The following RANBP17 variants were observed in gnomAD, a reference collection of about 807,000 sequenced individuals.
The protein encoded by RANBP17 is ran-binding protein 17.
In RANBP17, 158 loss-of-function variants were observed where a neutral mutation model predicts 141.2. That is an observed-to-expected ratio of 1.12 (90% CI 0.98 to 1.28). The LOEUF (loss-of-function observed/expected upper bound fraction) is 1.28. Among genes scored for constraint, RANBP17 ranks in the 50% most tolerant of loss-of-function variants. RANBP17 has a pLI of 0.00. For synonymous variants in RANBP17, 430 were observed against 450.0 expected (o/e 0.96, Z 0.56); for missense variants, 1,438 against 1,290.7 (o/e 1.11, Z -1.75).
chr5:170,903,413 G>A (rs114913052), intron 5 of RANBP17: 4,413 of 153,246 alleles, frequency 0.029, 211 homozygotes, highest in African/African-American at 0.098. Flanking sequence ...ATCTTAGCTT[G>A]CTGGGCTACG....
intron 18 of RANBP17, among the ~76,000 whole-genome samples, chr5:171,189,893 G>T (rs1761511958): frequency 6.6e-6 from 1 of 152,032 alleles, no homozygotes; most frequent in South Asian, 2.1e-4. Flanking sequence ...GGAAGAAAAA[G>T]ATAGTGCTGT....
chr5:171,004,565 G>A (rs181290803), intron 14 of RANBP17, among the ~76,000 whole-genome samples: 12 of 152,152 alleles, frequency 7.9e-5, no homozygotes, highest in African/African-American at 1.9e-4. Context: ...AACAGGGGAC[G>A]GACTTACTCT....
intron 12 of RANBP17, among the ~76,000 whole-genome samples, chr5:170,948,701 A>G (rs899321229): frequency 1.9e-4 from 29 of 152,188 alleles, no homozygotes; most frequent in African/African-American, 7.0e-4. Flanking sequence ...GGGATTGACA[A>G]ACTGTTCCTA....
chr5:171,257,527 C>A (rs1765978500), intron 24 of RANBP17, among the ~76,000 whole-genome samples: 1 of 152,142 alleles, frequency 6.6e-6, no homozygotes, highest in South Asian at 2.1e-4. Context: ...TTCCACCACT[C>A]TTATTCTACA....
intron 14 of RANBP17, among the ~76,000 whole-genome samples, chr5:171,018,763 G>T (rs181222196): frequency 4.7e-4 from 72 of 152,266 alleles, no homozygotes; most frequent in African/African-American, 1.7e-3. Context: ...TCCCTTGCCT[G>T]GTTGCCCTGG....
chr5:171,200,264 A>G (rs936567927), intron 19 of RANBP17, among the ~76,000 whole-genome samples: 3 of 152,242 alleles, frequency 2.0e-5, no homozygotes, highest in Non-Finnish European at 4.4e-5. Flanking sequence ...GCATTCTTAA[A>G]CGGAACAAAG....
intron 14 of RANBP17, among the ~76,000 whole-genome samples, chr5:171,098,454 C>G (rs1258042923): frequency 1.3e-5 from 2 of 152,148 alleles, no homozygotes; most frequent in African/African-American, 2.4e-5. Context: ...AGTGTCTGTT[C>G]ATATCCTTTG....
chr5:171,043,755 C>CT (rs1296981158), intron 14 of RANBP17, among the ~76,000 whole-genome samples: 1 of 152,038 alleles, frequency 6.6e-6, no homozygotes, highest in Non-Finnish European at 1.5e-5. Context: ...ACCTGCCATT[C>CT]TATGGTTCTG....
chr5:171,164,061 C>T lies in RANBP17; in HGVS notation c.1711-6069C>T, dbSNP rs534180483. ...TAGAACCAGTGTTTTCTCTTATTTT[C>T]TTATTTGCACAGAATGAGAGATTCG... On this transcript the variant is annotated intron_variant, in intron 14 of 27. Transcript: ENST00000523189. 9.2e-5 allele frequency among the ~76,000 whole-genome samples: 14 copies of T among 152,088 alleles called. No homozygotes were observed. The East Asian group carries it at 2.7e-3, about 29-fold the overall frequency.
At chr5:170,917,110 A>G (rs1382333531) in intron 9 of RANBP17, among the ~76,000 whole-genome samples, 1 of 152,282 alleles carries the variant, frequency 6.6e-6, no homozygotes, top group African/African-American at 2.4e-5. Context: ...CTTTTAGGCA[A>G]ATATGACTAG....
intron 2 of RANBP17, among the ~76,000 whole-genome samples, chr5:170,879,722 A>C (rs986289289): frequency 6.6e-6 from 1 of 152,130 alleles, no homozygotes; most frequent in African/African-American, 2.4e-5. Flanking sequence ...CATTCAGAAA[A>C]ATTTTAGCCT....
chr5:171,000,772 CACAA>C (rs1279545079), intron 14 of RANBP17, among the ~76,000 whole-genome samples: 1 of 152,036 alleles, frequency 6.6e-6, no homozygotes, highest in African/African-American at 2.4e-5. Flanking sequence ...GGGTGGATCT[CACAA>C]AGTACATTCT....
chr5:171,068,829 A>G (rs183200072), intron 14 of RANBP17, among the ~76,000 whole-genome samples: 28 of 151,906 alleles, frequency 1.8e-4, no homozygotes, highest in Non-Finnish European at 3.5e-4. Flanking sequence ...CAAGTGATCT[A>G]CTCGCCTCGG....
At chr5:171,112,347 A>C (rs1755295688) in intron 14 of RANBP17, among the ~76,000 whole-genome samples, 2 of 152,110 alleles carry the variant, frequency 1.3e-5, no homozygotes, top group Non-Finnish European at 1.5e-5. Flanking sequence ...CTATCTGTAA[A>C]ATATTGTTTA....
At position 171,183,786 on chromosome 5, in the gene RANBP17, T is replaced by C. The variant is rs772494418; in HGVS notation, c.2038+356T>C. On this transcript the variant is annotated intron_variant, in intron 18 of 27. Coordinates refer to ENST00000523189, the MANE Select transcript of RANBP17 (RefSeq NM_022897.5). ...ATTTTCGTCATAGTGATGTCTAAAC[T>C]AGAGAAAAAGTAGAAATGATGTAAC... Among the ~76,000 whole-genome samples the C allele has an allele frequency of 1.8e-4, 27 of 152,272 alleles. 1 individual carries two copies. The highest frequency in any genetic ancestry group is 2.1e-4 in the South Asian group (1 of 4,822).
At position 171,092,288 on chromosome 5, in the gene RANBP17, G is replaced by C. The variant is rs78214683; in HGVS notation, c.1711-77842G>C. Among the ~76,000 whole-genome samples, 202 of 152,256 alleles carry C rather than the reference G, an allele frequency of 1.3e-3. 3 individuals carry two copies. In the East Asian group the frequency reaches 0.036, roughly 27 times the overall value. On this transcript the variant is annotated intron_variant, in intron 14 of 27. Coordinates refer to ENST00000523189, the MANE Select transcript of RANBP17 (RefSeq NM_022897.5). ...GTGAACCCCTAATAATATATTGAAT[G>C]ATACTTCAAGTTATGTTACAGATCT...
chr5:171,221,855 C>G lies in RANBP17; in HGVS notation c.2422+15C>G, dbSNP rs1490274983. ...TTGCACTTATGGTGAGTGTCCTTTT[C>G]CATATGTGCCTCTGCAATATAGTTT... On this transcript the variant is annotated intron_variant, in intron 22 of 27. Transcript: ENST00000523189. The G allele has an allele frequency of 4.3e-6, 6 of 1,381,190 alleles. No homozygotes were observed. Among genetic ancestry groups the G allele is most frequent in the South Asian group, 1.2e-5 (1 of 84,394 alleles). The allele number at this position is 1,381,190 out of a possible 1,614,324, so 85.6% of individuals were successfully genotyped here.
chr5:171,238,570 A>G (rs781109289), intron 22 of RANBP17, among the ~76,000 whole-genome samples: 1 of 152,234 alleles, frequency 6.6e-6, no homozygotes, highest in Non-Finnish European at 1.5e-5. Context: ...ACAAACACAA[A>G]ACCAGTGAAA....
At chr5:170,925,917 T>C (rs1220715722) in intron 12 of RANBP17, among the ~76,000 whole-genome samples, 1 of 152,214 alleles carries the variant, frequency 6.6e-6, no homozygotes, top group Non-Finnish European at 1.5e-5. Flanking sequence ...GTTGTTTGAA[T>C]GTACCTCAGT....
Sources: gnomAD v4.1 joint callset for allele counts (sites outside exome capture counted in the v4.1 genomes callset) on GRCh38, gnomAD v4.1.1 for gene constraint, MANE v1.5 for transcripts, NCBI Gene and HGNC (gene_info 2026-07-23, HGNC 2026-07-21) for gene names.